KDM4C: variants seen among roughly 807,000 people sequenced by gnomAD.
KDM4C encodes the protein lysine-specific demethylase 4C.
Under a neutral mutation model 129.3 loss-of-function variants are expected in KDM4C, and 81 were observed. The observed-to-expected ratio is 0.63, with a 90% CI of 0.52 to 0.75. The LOEUF (loss-of-function observed/expected upper bound fraction) is 0.75. Among genes scored for constraint, KDM4C ranks in the 30% least tolerant of loss-of-function variants. KDM4C has a pLI of 0.00. For missense variants in KDM4C, 1,457 were observed against 1,304.0 expected (o/e 1.12, Z -1.81); for synonymous variants, 573 against 456.1 (o/e 1.26, Z -3.26).
At chr9:7,029,226 T>C (rs1366520476) in intron 15 of KDM4C, among the ~76,000 whole-genome samples, 1 of 152,122 alleles carries the variant, frequency 6.6e-6, no homozygotes, top group Non-Finnish European at 1.5e-5. Flanking sequence ...ATTTAAAATT[T>C]AATGCCAATA....
At chr9:7,096,402 A>G (rs1564111550) in intron 17 of KDM4C, among the ~76,000 whole-genome samples, 1 of 152,200 alleles carries the variant, frequency 6.6e-6, no homozygotes. Flanking sequence ...CTAGGAAAAA[A>G]GGGCAGGAAG....
upstream of KDM4C, chr9:6,757,838 T>A (rs553689846): frequency 1.1e-5 from 11 of 985,410 alleles, no homozygotes; most frequent in Admixed American, 1.2e-4. Context: ...CCAGCAAGCC[T>A]AAGTTAACCA....
intron 2 of KDM4C, among the ~76,000 whole-genome samples, chr9:6,793,662 C>A (rs1179867086): frequency 6.6e-6 from 1 of 151,708 alleles, no homozygotes; most frequent in Non-Finnish European, 1.5e-5. Flanking sequence ...GCCTCAGCCT[C>A]CCGAAGTAGC....
intron 17 of KDM4C, among the ~76,000 whole-genome samples, chr9:7,080,769 A>C (rs1182783154): frequency 1.3e-5 from 2 of 152,228 alleles, no homozygotes; most frequent in Admixed American, 6.5e-5. Flanking sequence ...CATCTATTTC[A>C]CCTTAAAGTT....
intron 8 of KDM4C, among the ~76,000 whole-genome samples, chr9:6,949,673 C>T (rs1394623179): frequency 1.3e-5 from 2 of 151,990 alleles, no homozygotes; most frequent in African/African-American, 4.8e-5. Context: ...ACCCCGTCTC[C>T]ACCAAAAAAA....
chr9:6,923,826 G>C (rs996027042), intron 8 of KDM4C, among the ~76,000 whole-genome samples: 1 of 152,038 alleles, frequency 6.6e-6, no homozygotes, highest in African/African-American at 2.4e-5. Flanking sequence ...TCTCTTTTTG[G>C]GGGCAGAGAA....
chr9:6,993,932 C>T (rs1005831788), intron 12 of KDM4C, among the ~76,000 whole-genome samples: 7 of 152,110 alleles, frequency 4.6e-5, no homozygotes, highest in Admixed American at 1.3e-4. Flanking sequence ...CTTAACTTTG[C>T]GACGTGAGTC....
At chr9:7,111,804 G>C (rs7028048) in intron 18 of KDM4C, among the ~76,000 whole-genome samples, 78,264 of 151,998 alleles carry the variant, frequency 0.51, 20,638 homozygotes, top group East Asian at 0.75. Flanking sequence ...GTGAAACCCC[G>C]TTTTTATATA....
chr9:7,088,352 T>A lies in KDM4C; in HGVS notation c.2425-15333T>A, dbSNP rs180696617. On this transcript the variant is annotated intron_variant, in intron 17 of 21. Transcript: ENST00000381309. ...CTCTTTAATCCAGCTCTTGTTGTCT[T>A]ATCCTAAAATGTGGCATTTTTAAAC... is the stretch of plus-strand genomic sequence containing the variant. 1.2e-3 allele frequency among the ~76,000 whole-genome samples: 181 copies of A among 152,356 alleles called. 2 individuals are homozygous for A. Among genetic ancestry groups the A allele is most frequent in the Non-Finnish European group, 1.3e-4 (9 of 68,034 alleles).
chr9:6,974,285 T>A (rs1832548296), intron 8 of KDM4C, among the ~76,000 whole-genome samples: 1 of 152,242 alleles, frequency 6.6e-6, no homozygotes, highest in Admixed American at 6.5e-5. Flanking sequence ...CTGAACATTT[T>A]AATAAAAACA....
intron 2 of KDM4C, among the ~76,000 whole-genome samples, chr9:6,803,511 G>A (rs1421007024): frequency 6.6e-5 from 10 of 151,568 alleles, no homozygotes; most frequent in South Asian, 2.1e-4. Context: ...TGGAGGTTGC[G>A]GTGAGCCGAG....
intron 1 of KDM4C, among the ~76,000 whole-genome samples, chr9:6,747,950 G>A (rs1443438751): frequency 6.6e-6 from 1 of 152,126 alleles, no homozygotes; most frequent in African/African-American, 2.4e-5. Flanking sequence ...GGCCAAGGCC[G>A]GTGGCTCACT....
chr9:6,871,977 A>G (rs1437843561), intron 5 of KDM4C, among the ~76,000 whole-genome samples: 3 of 152,232 alleles, frequency 2.0e-5, no homozygotes, highest in Non-Finnish European at 4.4e-5. Context: ...GCTGAAATTT[A>G]TAATGGTCAA....
At chr9:6,940,328 A>C (rs1376375401) in intron 8 of KDM4C, among the ~76,000 whole-genome samples, 4 of 152,226 alleles carry the variant, frequency 2.6e-5, no homozygotes, top group African/African-American at 7.2e-5. Flanking sequence ...GGTGTGAGCC[A>C]CTGTGCCTAG....
chr9:6,907,422 A>G (rs1818510715), intron 8 of KDM4C, among the ~76,000 whole-genome samples: 1 of 152,160 alleles, frequency 6.6e-6, no homozygotes, highest in African/African-American at 2.4e-5. Context: ...TTTAAAATTC[A>G]GTAAAATTAT....
chr9:6,875,620 G>C (rs1313028429), intron 5 of KDM4C, among the ~76,000 whole-genome samples: 2 of 150,578 alleles, frequency 1.3e-5, no homozygotes, highest in Non-Finnish European at 3.0e-5. Context: ...GTTTTGAGAA[G>C]TCAGAGGTCT....
At chr9:6,869,563 A>G (rs1842550316) in intron 5 of KDM4C, among the ~76,000 whole-genome samples, 1 of 152,222 alleles carries the variant, frequency 6.6e-6, no homozygotes, top group South Asian at 2.1e-4. Context: ...GCAGAAGGGG[A>G]AGGTGAACTC....
chr9:6,755,823 T>C (rs544146881), upstream of KDM4C, among the ~76,000 whole-genome samples: 15 of 152,316 alleles, frequency 9.8e-5, no homozygotes, highest in East Asian at 5.8e-4. Flanking sequence ...ATGAGTCCAG[T>C]TGATTTTCTA....
At chr9:6,958,038 T>C (rs1829378581) in intron 8 of KDM4C, among the ~76,000 whole-genome samples, 1 of 151,792 alleles carries the variant, frequency 6.6e-6, no homozygotes, top group Non-Finnish European at 1.5e-5. Context: ...ATTGTAGACA[T>C]ATAAACATTA....
Sources: gnomAD v4.1 joint callset for allele counts (sites outside exome capture counted in the v4.1 genomes callset) on GRCh38, gnomAD v4.1.1 for gene constraint, MANE v1.5 for transcripts, NCBI Gene and HGNC (gene_info 2026-07-23, HGNC 2026-07-21) for gene names.